SLC1A6: variants seen among roughly 807,000 people sequenced by gnomAD.
SLC1A6 encodes the protein solute carrier family 1 member 6, also known as excitatory amino acid transporter 4.
Under a neutral mutation model 42.1 loss-of-function variants are expected in SLC1A6, and 15 were observed. The ratio of observed to expected loss-of-function variants is 0.36; its 90% CI spans 0.24 to 0.55. The LOEUF (loss-of-function observed/expected upper bound fraction) is 0.55. Ranked by LOEUF, SLC1A6 falls within the 20% of genes least tolerant of loss-of-function variation. The probability of loss-of-function intolerance (pLI) is 0.88; values close to 1 mark genes in which losing one functional copy is unlikely to be tolerated. For missense variants in SLC1A6, 542 were observed against 772.5 expected (o/e 0.70, Z 3.54); for synonymous variants, 317 against 319.7 (o/e 0.99, Z 0.09).
chr19:14,971,409 A>G (rs928733330), intron 3 of SLC1A6, among the ~76,000 whole-genome samples: 3 of 151,964 alleles, frequency 2.0e-5, no homozygotes, highest in Admixed American at 1.3e-4. Flanking sequence ...CATCCATACC[A>G]TAGCCCAGCC....
intron 1 of SLC1A6, among the ~76,000 whole-genome samples, chr19:15,003,082 G>A (rs933715961): frequency 6.6e-6 from 1 of 152,028 alleles, no homozygotes; most frequent in African/African-American, 2.4e-5. Flanking sequence ...GGGTTCAAGC[G>A]ATTCTCATGA....
At chr19:15,008,465 T>G (rs2045907224) in intron 1 of SLC1A6, among the ~76,000 whole-genome samples, 1 of 152,054 alleles carries the variant, frequency 6.6e-6, no homozygotes, top group Non-Finnish European at 1.5e-5. Context: ...TTGGTGGGGA[T>G]GCAAATTAGT....
chr19:14,995,326 CAAAAAAAA>C (rs1173848535), intron 1 of SLC1A6, among the ~76,000 whole-genome samples: 1 of 53,028 alleles, frequency 1.9e-5, no homozygotes, highest in East Asian at 5.0e-4. Flanking sequence ...ACTCCATCTC[CAAAAAAAA>C]AAAAAAAAAA....
At chr19:14,974,848 T>C (rs1042967943) in intron 1 of SLC1A6, 28 of 150,316 alleles carry the variant, frequency 1.9e-4, no homozygotes, top group Middle Eastern at 3.2e-3. Context: ...GAGGATCACC[T>C]GAGCCCAGGA....
At chr19:14,983,150 A>G (rs1008788865), upstream of SLC1A6, among the ~76,000 whole-genome samples, 9 of 152,200 alleles carry the variant, frequency 5.9e-5, no homozygotes, top group South Asian at 2.1e-4. Context: ...CAGAGAGATT[A>G]ACATTTTGAG....
At chr19:14,956,420 A>G (rs2045463555) in intron 7 of SLC1A6, 56 bp downstream of exon 7, 14 of 1,184,700 alleles carry the variant, frequency 1.2e-5, no homozygotes, top group Non-Finnish European at 1.7e-5. Context: ...AGGAGAGGAC[A>G]TGAAGGACAA....
intron 1 of SLC1A6, among the ~76,000 whole-genome samples, chr19:14,991,840 CTTT>C (rs887859176): frequency 9.1e-6 from 1 of 110,138 alleles, no homozygotes. Context: ...CTGCTTTTTT[CTTT>C]TTTTTTTTTT....
intron 1 of SLC1A6, among the ~76,000 whole-genome samples, chr19:14,995,523 A>G (rs4808809): frequency 0.32 from 47,906 of 151,702 alleles, 7,728 homozygotes; most frequent in Non-Finnish European, 0.35. Context: ...CAGCATGGTT[A>G]CCCTATTCTC....
intron 6 of SLC1A6, among the ~76,000 whole-genome samples, chr19:14,957,607 C>T (rs535097343): frequency 1.1e-4 from 16 of 152,286 alleles, no homozygotes; most frequent in Admixed American, 3.3e-4. Context: ...CAGAGCTGTG[C>T]GAAATACATT....
At chr19:14,970,712 A>G (rs1195061652) in intron 3 of SLC1A6, among the ~76,000 whole-genome samples, 3 of 113,072 alleles carry the variant, frequency 2.7e-5, no homozygotes, top group Non-Finnish European at 5.4e-5. Flanking sequence ...CTCTGTCTCA[A>G]AAAAAAAAAG....
chr19:15,010,240 A>C (rs959240253), intron 1 of SLC1A6, among the ~76,000 whole-genome samples: 26 of 149,014 alleles, frequency 1.7e-4, no homozygotes, highest in Non-Finnish European at 3.3e-4. Context: ...AAGAAAAGAA[A>C]AGAAAACGTA....
intron 4 of SLC1A6, among the ~76,000 whole-genome samples, chr19:14,966,591 T>G (rs2045576447): frequency 6.6e-6 from 1 of 152,184 alleles, no homozygotes; most frequent in Non-Finnish European, 1.5e-5. Context: ...ATCGTGCTGC[T>G]TCTATTTACA....
At chr19:14,983,719 CAAAAAAA>C (rs56657572), upstream of SLC1A6, among the ~76,000 whole-genome samples, 10 of 52,284 alleles carry the variant, frequency 1.9e-4, no homozygotes, top group South Asian at 8.3e-4. Context: ...ACAACAACAC[CAAAAAAA>C]AAAAAAAAAA....
At chr19:15,003,675 G>GA (rs56031076) in intron 1 of SLC1A6, among the ~76,000 whole-genome samples, 13,906 of 132,132 alleles carry the variant, frequency 0.11, 842 homozygotes, top group East Asian at 0.2. Context: ...AAAAAAAAAA[G>GA]AAAGAAAAGA....
chr19:14,972,513 G>A (rs778614210), intron 2 of SLC1A6, among the ~76,000 whole-genome samples, 193 bp downstream of exon 2: 9 of 152,246 alleles, frequency 5.9e-5, no homozygotes, highest in Non-Finnish European at 1.3e-4. Context: ...TGCACACACA[G>A]TTGTGTTTGC....
At chr19:14,970,195 G>A (rs1375835713) in intron 3 of SLC1A6, among the ~76,000 whole-genome samples, 2 of 152,026 alleles carry the variant, frequency 1.3e-5, no homozygotes, top group Admixed American at 6.6e-5. Context: ...TCAGCCTCTC[G>A]AGTAGCTAGG....
At chr19:14,990,786 CAAA>C (rs60926365) in intron 1 of SLC1A6, among the ~76,000 whole-genome samples, 17 of 124,758 alleles carry the variant, frequency 1.4e-4, no homozygotes, top group African/African-American at 3.5e-4. Flanking sequence ...CAAAACAAAA[CAAA>C]AAAAAAAAAA....
chr19:14,971,937 A>G, intron 2 of SLC1A6, 63 bp from the exon 3 acceptor site: 1 of 1,574,350 alleles, frequency 6.4e-7, no homozygotes, highest in Admixed American at 1.7e-5. Context: ...GGCAGGGTCC[A>G]TCCATCCCAA....
intron 1 of SLC1A6, among the ~76,000 whole-genome samples, chr19:14,989,673 C>CA (rs1392672167): frequency 6.6e-6 from 1 of 151,804 alleles, no homozygotes; most frequent in Non-Finnish European, 1.5e-5. Flanking sequence ...AAAAACAAAA[C>CA]AAAACAAAAA....
Sources: allele counts gnomAD v4.1 joint callset (sites outside exome capture counted in the v4.1 genomes callset), GRCh38; gene constraint gnomAD v4.1.1; transcripts MANE v1.5; gene names NCBI Gene and HGNC (gene_info 2026-07-23, HGNC 2026-07-21).